Variants in CASR observed in about 807,000 individuals in gnomAD.
CASR encodes extracellular calcium-sensing receptor.
A neutral mutation model predicts 69.1 loss-of-function variants in CASR; 23 were observed. That is an observed-to-expected ratio of 0.33 (90% CI 0.24 to 0.47). The LOEUF (loss-of-function observed/expected upper bound fraction) is 0.47, where lower values mean the gene tolerates loss of function less well. Ranked by LOEUF, CASR falls within the 20% of genes least tolerant of loss-of-function variation. The pLI is 1.00. For synonymous variants in CASR, 541 were observed against 544.7 expected (o/e 0.99, Z 0.10); for missense variants, 924 against 1,356.1 (o/e 0.68, Z 5.00).
chr3:122,244,800 T>C (rs1323107567), intron 1 of CASR, among the ~76,000 whole-genome samples: 1 of 151,988 alleles, frequency 6.6e-6, no homozygotes, highest in African/African-American at 2.4e-5. Flanking sequence ...GATAAGGGAG[T>C]AAAAATAGAT....
chr3:122,280,943 G>A (rs772839806), intron 5 of CASR, among the ~76,000 whole-genome samples: 67 of 152,132 alleles, frequency 4.4e-4, no homozygotes, highest in Admixed American at 1.1e-3. Context: ...GTTGCAAAAC[G>A]GACTTCATTC....
chr3:122,207,529 C>G (rs2074019265), intron 1 of CASR, among the ~76,000 whole-genome samples: 1 of 152,046 alleles, frequency 6.6e-6, no homozygotes, highest in Admixed American at 6.6e-5. Context: ...ACTTCGGAAA[C>G]TTCACAAACA....
chr3:122,245,126 G>A lies in CASR; in HGVS notation c.-242-8822G>A, dbSNP rs75886292. Among the ~76,000 whole-genome samples the A allele has an allele frequency of 5.9e-3, 899 of 152,086 alleles. 6 individuals carry two copies. The highest frequency in any genetic ancestry group is 0.02 in the African/African-American group (829 of 41,474). ...CATAGTATTTGCCTATAACTTATCC[G>A]CATCCTCCTGTATATTTTAAATTAT... is the stretch of plus-strand genomic sequence containing the variant. On this transcript the variant is annotated intron_variant, in intron 1 of 6. Coordinates refer to ENST00000639785, the MANE Select transcript of CASR (RefSeq NM_000388.4).
intron 1 of CASR, among the ~76,000 whole-genome samples, chr3:122,192,680 C>T (rs1176459640): frequency 2.6e-5 from 4 of 152,186 alleles, no homozygotes; most frequent in African/African-American, 9.7e-5. Flanking sequence ...CCAAATCTTC[C>T]ATCCCAGGGC....
At chr3:122,275,709 T>C (rs369620459) in intron 4 of CASR, 103 bp from the exon 5 acceptor site, 4 of 814,984 alleles carry the variant, frequency 4.9e-6, no homozygotes, top group African/African-American at 3.3e-5. Flanking sequence ...CCTCCCACTT[T>C]GTTGGAACAA....
At chr3:122,228,620 T>G (rs2074249862) in intron 1 of CASR, among the ~76,000 whole-genome samples, 1 of 152,226 alleles carries the variant, frequency 6.6e-6, no homozygotes, top group South Asian at 2.1e-4. Context: ...GCTGAAGGAC[T>G]GCTCACTTAG....
chr3:122,257,133 G>C lies in CASR; in HGVS notation c.238G>C (p.Glu80Gln). The C allele has an allele frequency of 1.2e-6, 2 of 1,614,156 alleles. No individual in the cohort carries two copies. Among genetic ancestry groups the C allele is most frequent in the Non-Finnish European group, 1.7e-6 (2 of 1,180,008 alleles). ...WLQAMIFAIE[E>Q]INSSPALLPN... The stretch of plus-strand genomic sequence containing the variant: ...ACAGGCTATGATATTTGCCATAGAG[G>C]AGATAAACAGCAGCCCAGCCCTTCT... Residue 80 changes from glutamate (E) to glutamine (Q), a missense_variant, in exon 3 of 7, where the codon GAG (glutamate) becomes CAG (glutamine). Physicochemically the swap from Glu to Gln is conservative, Grantham distance 29. This residue lies in a region of CASR where 141 missense variants were observed against 283.0 expected (regional missense o/e 0.50). Transcript: ENST00000639785.
chr3:122,265,828 A>G (rs894028174), intron 4 of CASR, among the ~76,000 whole-genome samples: 4 of 152,154 alleles, frequency 2.6e-5, no homozygotes, highest in Non-Finnish European at 2.9e-5. Context: ...TAGTCAGAAA[A>G]CAGGCGTGCA....
chr3:122,231,408 C>A (rs771891724), intron 1 of CASR, among the ~76,000 whole-genome samples: 1 of 152,198 alleles, frequency 6.6e-6, no homozygotes, highest in Non-Finnish European at 1.5e-5. Context: ...CACCATCATA[C>A]GAAGAGCTAA....
rs573012766 is a variant in CASR at position 122,252,937 on chromosome 3, G to A, written c.-242-1011G>A. ...CTGTAATTGGTAATTGACTCACAGG[G>A]TGAGTGAGATAGGGTGCGGAGTGAG... On this transcript the variant is annotated intron_variant, in intron 1 of 6. Transcript: ENST00000639785. Among the ~76,000 whole-genome samples, 68 of 152,314 alleles carry A rather than the reference G, an allele frequency of 4.5e-4. 2 individuals carry two copies. The South Asian group carries it at 0.014, about 31-fold the overall frequency.
rs140496043 is a variant in CASR, at chr3:122,202,541, T to G, written c.-243+18729T>G. Among the ~76,000 whole-genome samples the G allele has an allele frequency of 2.4e-4, 37 of 152,290 alleles. No homozygotes were observed. In the East Asian group the frequency reaches 7.1e-3, roughly 29 times the overall value. ...TTTTTCAAGTGGGAGGTTTCTATTTTTCTTTCAATAGGAATGCTATATATT... is the reference window on the plus strand; with the variant it reads ...TTTTTCAAGTGGGAGGTTTCTATTTGTCTTTCAATAGGAATGCTATATATT... On this transcript the variant is annotated intron_variant, in intron 1 of 6. Transcript: ENST00000639785.
chr3:122,253,386 C>T (rs768318679), intron 1 of CASR, among the ~76,000 whole-genome samples: 54 of 152,178 alleles, frequency 3.5e-4, no homozygotes, highest in Non-Finnish European at 6.2e-4. Context: ...GGATTACAGG[C>T]GTATGCCACC....
intron 1 of CASR, among the ~76,000 whole-genome samples, chr3:122,213,781 C>T (rs2074090566): frequency 6.6e-6 from 1 of 152,202 alleles, no homozygotes; most frequent in Non-Finnish European, 1.5e-5. Context: ...AAATCAACAT[C>T]GTTTCAGTGA....
chr3:122,194,969 C>T (rs574940483), intron 1 of CASR, among the ~76,000 whole-genome samples: 3 of 150,074 alleles, frequency 2.0e-5, no homozygotes, highest in African/African-American at 7.3e-5. Flanking sequence ...CTCCTCCTTT[C>T]TTCTTCTTAC....
At chr3:122,243,381 T>C (rs943228770) in intron 1 of CASR, among the ~76,000 whole-genome samples, 1 of 152,126 alleles carries the variant, frequency 6.6e-6, no homozygotes, top group African/African-American at 2.4e-5. Flanking sequence ...TAGACCTTTC[T>C]CAAAAGAAGA....
At chr3:122,243,390 G>A (rs1272894367) in intron 1 of CASR, among the ~76,000 whole-genome samples, 1 of 152,080 alleles carries the variant, frequency 6.6e-6, no homozygotes, top group East Asian at 1.9e-4. Context: ...CTCAAAAGAA[G>A]ACATATGAGT....
At chr3:122,217,962 G>A (rs1249138701) in intron 1 of CASR, among the ~76,000 whole-genome samples, 3 of 152,064 alleles carry the variant, frequency 2.0e-5, no homozygotes, top group Non-Finnish European at 2.9e-5. Context: ...AATGAGGTTG[G>A]GGGTTGTAGG....
At position 122,285,058 on chromosome 3, in the gene CASR, C is replaced by G. The variant is rs1418162973; in HGVS notation, c.3104C>G (p.Pro1035Arg). 6.2e-7 allele frequency: 1 copy of G among 1,614,226 alleles called. No individual in the cohort carries two copies. Among genetic ancestry groups the G allele is most frequent in the African/African-American group, 1.3e-5 (1 of 75,052 alleles). ...GTCCAGGAAACAGGTCTGCAAGGAC[C>G]TGTGGGTGGAGACCAGCGGCCAGAG... Reference protein sequence around the residue: ...LTVQETGLQGPVGGDQRPEVE... With the variant: ...LTVQETGLQGRVGGDQRPEVE... Residue 1035 changes from proline (P) to arginine (R), a missense_variant, in exon 7 of 7, where the codon CCT becomes CGT. This residue lies in a region of CASR where 201 missense variants were observed against 228.8 expected (regional missense o/e 0.88). Transcript: ENST00000639785.
chr3:122,225,067 C>G (rs1242092553), intron 1 of CASR, among the ~76,000 whole-genome samples: 3 of 152,114 alleles, frequency 2.0e-5, no homozygotes, highest in African/African-American at 7.2e-5. Context: ...AAAATTATCT[C>G]AAGTTGGATT....
Sources: allele counts gnomAD v4.1 joint callset (sites outside exome capture counted in the v4.1 genomes callset), GRCh38; gene constraint gnomAD v4.1.1; regional missense constraint gnomAD v4.1.1; transcripts MANE v1.5; gene names NCBI Gene and HGNC (gene_info 2026-07-23, HGNC 2026-07-21).